Variants in STARD6 observed in about 807,000 individuals in gnomAD.
STARD6 encodes the protein stAR-related lipid transfer protein 6.
Under a neutral mutation model 22.3 loss-of-function variants are expected in STARD6, and 21 were observed. That is an observed-to-expected ratio of 0.94 (90% confidence interval 0.67 to 1.35). STARD6 has a LOEUF of 1.35. STARD6 is among the 40% of genes most tolerant of loss of function. The pLI, the probability that STARD6 is intolerant of heterozygous loss-of-function variation, is 0.00. For synonymous variants in STARD6, 80 were observed against 88.1 expected (o/e 0.91, Z 0.52); for missense variants, 269 against 266.9 (o/e 1.01, Z -0.05).
intron 2 of STARD6, chr18:54,355,784 A>G (rs887038754): frequency 1.3e-5 from 2 of 152,252 alleles, no homozygotes; most frequent in Non-Finnish European, 2.9e-5. Flanking sequence ...TACTGCTGTG[A>G]ATGAGTTCCG....
chr18:54,345,868 G>C (rs1415285349), intron 4 of STARD6, among the ~76,000 whole-genome samples: 1 of 152,076 alleles, frequency 6.6e-6, no homozygotes, highest in Non-Finnish European at 1.5e-5. Flanking sequence ...GGGACAATTG[G>C]ATATTTACAT....
At chr18:54,354,686 G>T (rs1599313457) in intron 2 of STARD6, 109 bp from the exon 3 acceptor site, 11 of 734,092 alleles carry the variant, frequency 1.5e-5, no homozygotes, top group African/African-American at 5.4e-5. Context: ...ACATAGAAAT[G>T]AACATAATTA....
intron 4 of STARD6, among the ~76,000 whole-genome samples, chr18:54,345,828 G>A (rs968316493): frequency 6.6e-6 from 1 of 152,094 alleles, no homozygotes; most frequent in Non-Finnish European, 1.5e-5. Flanking sequence ...CAATGTAATG[G>A]GGAAAGAAGA....
At chr18:54,328,307 G>T (rs1010618470) in intron 7 of STARD6, among the ~76,000 whole-genome samples, 3 of 152,178 alleles carry the variant, frequency 2.0e-5, no homozygotes, top group Non-Finnish European at 1.5e-5. Flanking sequence ...CATTGACAAG[G>T]TGCAAGAAGG....
At chr18:54,344,583 T>TAAAAAAAAAAAAAAAAAA (rs55736082) in intron 4 of STARD6, among the ~76,000 whole-genome samples, 1 of 94,090 alleles carries the variant, frequency 1.1e-5, no homozygotes, top group African/African-American at 4.3e-5. Flanking sequence ...AAAAATAAAT[T>TAAAAAAAAAAAAAAAAAA]AAAAAAAAAA....
At chr18:54,345,756 T>C (rs1445927955) in intron 4 of STARD6, among the ~76,000 whole-genome samples, 2 of 152,160 alleles carry the variant, frequency 1.3e-5, no homozygotes, top group East Asian at 3.8e-4. Flanking sequence ...TGAATATAAT[T>C]AAGCATCCAA....
chr18:54,332,102 G>A (rs891645600), intron 5 of STARD6, among the ~76,000 whole-genome samples: 2 of 152,138 alleles, frequency 1.3e-5, no homozygotes, highest in Non-Finnish European at 2.9e-5. Flanking sequence ...TTTAGATGGA[G>A]AAATTGAAGC....
chr18:54,356,784 A>G (rs191750266), intron 1 of STARD6, among the ~76,000 whole-genome samples: 7 of 152,360 alleles, frequency 4.6e-5, no homozygotes, highest in African/African-American at 7.2e-5. Flanking sequence ...CTTAGCATAT[A>G]AAACACCGTT....
chr18:54,329,023 A>G (rs575830000), intron 7 of STARD6, among the ~76,000 whole-genome samples: 1 of 152,120 alleles, frequency 6.6e-6, no homozygotes, highest in Admixed American at 6.6e-5. Flanking sequence ...TTTAATTCAC[A>G]AAAGTTCCTT....
chr18:54,342,310 T>G (rs141887408), intron 4 of STARD6, among the ~76,000 whole-genome samples: 2 of 152,096 alleles, frequency 1.3e-5, no homozygotes, highest in African/African-American at 4.8e-5. Flanking sequence ...TAAAGAAAAA[T>G]TTTTACATAA....
chr18:54,350,760 T>G (rs913031257), intron 4 of STARD6, among the ~76,000 whole-genome samples: 2 of 152,262 alleles, frequency 1.3e-5, no homozygotes, highest in African/African-American at 4.8e-5. Context: ...CACTTTATGT[T>G]TTTGTTTACT....
chr18:54,329,266 T>C, intron 7 of STARD6, 81 bp downstream of exon 7: 1 of 1,139,608 alleles, frequency 8.8e-7, no homozygotes, highest in Non-Finnish European at 1.2e-6. Flanking sequence ...ATATTTCTAC[T>C]GATGAGCCAG....
At chr18:54,327,554 T>G (rs141960078) in intron 7 of STARD6, among the ~76,000 whole-genome samples, 1 of 152,338 alleles carries the variant, frequency 6.6e-6, no homozygotes. Flanking sequence ...GTTATGGTAT[T>G]TATAATCTAC....
intron 5 of STARD6, among the ~76,000 whole-genome samples, chr18:54,334,577 T>C (rs1216576510): frequency 6.6e-6 from 1 of 151,918 alleles, no homozygotes; most frequent in Non-Finnish European, 1.5e-5. Flanking sequence ...CCAAACTCTT[T>C]CTACCTCAAG....
Position 54,354,502 on chromosome 18 carries a change from C to T in STARD6, c.72G>A (p.Trp24Ter). Residue 24 changes from tryptophan to a stop codon, truncating the protein, a stop_gained, in exon 3 of 8, where the codon TGG becomes TGA. Coordinates refer to ENST00000307844, the MANE Select transcript of STARD6 (RefSeq NM_139171.2). LOFTEE classifies it high-confidence loss of function. Reference sequence around the variant, plus strand: ...TTCTTACTGAAGTTTTAACCACTTTCCAGCCTGATGTATCTCGATTATAAC... The same window carrying T: ...TTCTTACTGAAGTTTTAACCACTTTTCAGCCTGATGTATCTCGATTATAAC... ...VLGYNRDTSG[W>*]KVVKTSKKIT... 1.2e-6 allele frequency: 2 copies of T among 1,613,156 alleles called. No individual in the cohort carries two copies. The highest frequency in any genetic ancestry group is 2.2e-5 in the South Asian group (2 of 90,680).
intron 7 of STARD6, among the ~76,000 whole-genome samples, chr18:54,326,143 A>C (rs1396291050): frequency 6.6e-6 from 1 of 152,138 alleles, no homozygotes; most frequent in Non-Finnish European, 1.5e-5. Context: ...TTATGCAACA[A>C]AGGCATACCT....
At chr18:54,345,673 T>C (rs1456123150) in intron 4 of STARD6, among the ~76,000 whole-genome samples, 1 of 152,164 alleles carries the variant, frequency 6.6e-6, no homozygotes, top group African/African-American at 2.4e-5. Flanking sequence ...ACTTCTTAAT[T>C]TCAAAACTTA....
At chr18:54,338,915 G>C (rs1052905404) in intron 4 of STARD6, among the ~76,000 whole-genome samples, 4 of 151,766 alleles carry the variant, frequency 2.6e-5, no homozygotes, top group Non-Finnish European at 4.4e-5. Context: ...GGGCGTGGTG[G>C]CATGTGCCTG....
At chr18:54,339,062 A>C (rs2088945291) in intron 4 of STARD6, among the ~76,000 whole-genome samples, 2 of 146,588 alleles carry the variant, frequency 1.4e-5, no homozygotes, top group Non-Finnish European at 3.0e-5. Flanking sequence ...AAAAAAAAAA[A>C]AAAAAAAAAA....
Sources: allele counts gnomAD v4.1 joint callset (sites outside exome capture counted in the v4.1 genomes callset), GRCh38; gene constraint gnomAD v4.1.1; transcripts MANE v1.5; gene names NCBI Gene and HGNC (gene_info 2026-07-23, HGNC 2026-07-21).